The following FBXO47 variants were observed in gnomAD, a reference collection of about 807,000 sequenced individuals.
The protein encoded by FBXO47 is F-box only protein 47.
A neutral mutation model predicts 53.9 loss-of-function variants in FBXO47; 34 were observed. The ratio of observed to expected loss-of-function variants is 0.63; its 90% CI spans 0.48 to 0.84. The LOEUF is 0.84. FBXO47 is among the 40% of genes least tolerant of loss of function. The probability of loss-of-function intolerance (pLI) is 0.00; values close to 1 mark genes in which losing one functional copy is unlikely to be tolerated. For synonymous variants in FBXO47, 165 were observed against 181.6 expected (o/e 0.91, Z 0.73); for missense variants, 485 against 541.3 (o/e 0.90, Z 1.03).
chr17:38,939,716 G>A (rs931858846), intron 9 of FBXO47, among the ~76,000 whole-genome samples: 5 of 134,818 alleles, frequency 3.7e-5, no homozygotes, highest in Middle Eastern at 3.7e-3. Flanking sequence ...GCCGGACTGC[G>A]GACTGCAGTG....
chr17:38,960,219 T>C (rs1381337009), intron 3 of FBXO47, among the ~76,000 whole-genome samples: 2 of 151,212 alleles, frequency 1.3e-5, no homozygotes, highest in Non-Finnish European at 2.9e-5. Flanking sequence ...GGATCGATTG[T>C]GCCCAGGAGT....
intron 6 of FBXO47, among the ~76,000 whole-genome samples, chr17:38,946,030 T>A (rs867107582): frequency 5.4e-4 from 61 of 113,678 alleles, no homozygotes; most frequent in African/African-American, 1.9e-3. Flanking sequence ...AATATAAAAA[T>A]ATATATAAAT....
Position 38,943,735 on chromosome 17 carries a change from T to C in FBXO47, c.795A>G (p.Gly265=), listed in dbSNP as rs1275037581. 2 of 1,599,654 alleles carry C rather than the reference T, an allele frequency of 1.3e-6. No individual in the cohort carries two copies. Among genetic ancestry groups the C allele is most frequent in the Admixed American group, 3.6e-5 (2 of 54,832 alleles). Reference sequence around the variant, plus strand: ...CTATCATTTCCTGCCAAACCACCTGTCCTGAATTGAAACAAAAACGAGGCT... The same window carrying C: ...CTATCATTTCCTGCCAAACCACCTGCCCTGAATTGAAACAAAAACGAGGCT... The part of the protein sequence containing the change: ...IIFGPISPQD[G]QVVWQEMIEE... The change falls in exon 8 of 11, where the codon GGA becomes GGG. Residue 265 remains glycine, a splice_region_variant and synonymous_variant. Transcript: ENST00000378079.
At chr17:38,946,925 AACATATAAAT>A (rs1280427332) in intron 6 of FBXO47, among the ~76,000 whole-genome samples, 1 of 122,430 alleles carries the variant, frequency 8.2e-6, no homozygotes, top group Non-Finnish European at 1.6e-5. Flanking sequence ...AACATATATA[AACATATAAAT>A]ATATATAAAC....
chr17:38,938,547 T>G (rs550325023), intron 10 of FBXO47, 26 bp downstream of exon 10: 1 of 1,581,078 alleles, frequency 6.3e-7, no homozygotes, highest in East Asian at 2.2e-5. Flanking sequence ...TACGCACACC[T>G]GTGCACCAAG....
Position 38,945,152 on chromosome 17 carries a change from A to C in FBXO47, c.617-16T>G. 2 of 1,579,844 alleles carry C rather than the reference A, an allele frequency of 1.3e-6. No individual in the cohort carries two copies. The highest frequency in any genetic ancestry group is 1.7e-6 in the Non-Finnish European group (2 of 1,149,796). On this transcript the variant is annotated splice_polypyrimidine_tract_variant and intron_variant, in intron 6 of 10. Transcript: ENST00000378079. ...TGGGCACTTCCTATGAAGACAAAAG[A>C]ATTGTAAATCATTCTTCGTAGAAAG...
At chr17:38,947,152 C>T (rs1415147911) in intron 6 of FBXO47, among the ~76,000 whole-genome samples, 2 of 143,320 alleles carry the variant, frequency 1.4e-5, no homozygotes, top group East Asian at 4.0e-4. Flanking sequence ...ATATAGTAGC[C>T]AGGCAGCGGC....
intron 9 of FBXO47, among the ~76,000 whole-genome samples, chr17:38,939,700 G>A (rs9909888): frequency 0.027 from 3,123 of 117,264 alleles, 168 homozygotes; most frequent in African/African-American, 0.1. Context: ...TCACTCTGTC[G>A]CCCAGGCCGG....
At chr17:38,939,526 A>G (rs1248768752) in intron 9 of FBXO47, among the ~76,000 whole-genome samples, 2 of 149,452 alleles carry the variant, frequency 1.3e-5, no homozygotes, top group Non-Finnish European at 3.0e-5. Flanking sequence ...AAGCAAGAGA[A>G]TTCTATGGTA....
intron 6 of FBXO47, among the ~76,000 whole-genome samples, chr17:38,947,604 C>T (rs1329124780): frequency 1.3e-5 from 2 of 152,056 alleles, no homozygotes; most frequent in Non-Finnish European, 2.9e-5. Context: ...TTACCACACT[C>T]GGATATAAAA....
At chr17:38,947,239 G>A (rs1055981149) in intron 6 of FBXO47, among the ~76,000 whole-genome samples, 5 of 151,246 alleles carry the variant, frequency 3.3e-5, no homozygotes, top group Non-Finnish European at 7.4e-5. Context: ...GATGGAGGTG[G>A]CAGCGAGCTG....
chr17:38,963,552 CAA>C (rs374514557), intron 1 of FBXO47, among the ~76,000 whole-genome samples: 1 of 151,070 alleles, frequency 6.6e-6, no homozygotes. Flanking sequence ...TTGTTTCGAA[CAA>C]AAAAAGTCAG....
chr17:38,944,197 G>GTT (rs1904639135), intron 7 of FBXO47, among the ~76,000 whole-genome samples: 1 of 95,558 alleles, frequency 1.0e-5, no homozygotes. Context: ...AAACATGTGT[G>GTT]TGTGTGTGTG....
chr17:38,944,808 T>A (rs1598138207), intron 7 of FBXO47, 152 bp downstream of exon 7: 2 of 486,364 alleles, frequency 4.1e-6, no homozygotes, highest in Middle Eastern at 6.2e-4. Flanking sequence ...GAGGTGGAGG[T>A]TGCAGTGAGC....
rs928874451 is a variant in FBXO47, at chr17:38,946,653, T to A, written c.617-1517A>T. 7.0e-4 allele frequency among the ~76,000 whole-genome samples: 48 copies of A among 68,632 alleles called. 2 individuals carry two copies. Among genetic ancestry groups the A allele is most frequent in the Admixed American group, 1.1e-3 (4 of 3,802 alleles). 45.0% of individuals were successfully genotyped at this position (68,632 alleles called of 152,430 possible). A position where few individuals can be genotyped will look rare whatever the true frequency, so the allele number is the denominator to read the frequency against. On this transcript the variant is annotated intron_variant, in intron 6 of 10. Transcript: ENST00000378079. ...ATGAATATATAAATATATATAAATA[T>A]ATATGAATATATAAATATATATAAA... is the stretch of plus-strand genomic sequence containing the variant.
At position 38,959,150 on chromosome 17, in the gene FBXO47, TA is replaced by T. The variant is rs1001551209; in HGVS notation, c.353-1898del. Among the ~76,000 whole-genome samples, 1,333 of 143,114 alleles carry T rather than the reference TA, an allele frequency of 9.3e-3. 22 individuals carry two copies. Among genetic ancestry groups the T allele is most frequent in the African/African-American group, 0.031 (1,224 of 39,356 alleles). 93.9% of individuals were successfully genotyped at this position (143,114 alleles called of 152,430 possible). A position where few individuals can be genotyped will look rare whatever the true frequency, so the allele number is the denominator to read the frequency against. On this transcript the variant is annotated intron_variant, in intron 3 of 10. Transcript: ENST00000378079. ...ACCATAAAACCCAATACTGGCTGTTTAAAAAAAAAAAACAACCACAGGTGCT... is the reference window on the plus strand; with the variant it reads ...ACCATAAAACCCAATACTGGCTGTTTAAAAAAAAAAACAACCACAGGTGCT...
rs1905473892 is a variant in FBXO47, at chr17:38,954,934, C to T, written c.430-1G>A. On this transcript the variant is annotated splice_acceptor_variant, in intron 4 of 10. Transcript: ENST00000378079. LOFTEE classifies it high-confidence loss of function. ...AGCCATTGAATTTAAAGCAGGAAAC[C>T]TGTAAAGAAAACAATGTTAATACCT... is the stretch of plus-strand genomic sequence containing the variant. The T allele has an allele frequency of 1.2e-6, 2 of 1,606,380 alleles. No individual in the cohort carries two copies. Among genetic ancestry groups the T allele is most frequent in the Admixed American group, 1.7e-5 (1 of 59,100 alleles).
chr17:38,947,036 A>C (rs1251071633), intron 6 of FBXO47, among the ~76,000 whole-genome samples: 2 of 133,894 alleles, frequency 1.5e-5, no homozygotes, highest in Non-Finnish European at 1.5e-5. Flanking sequence ...ATACAAATAT[A>C]TGTAAATATA....
intron 1 of FBXO47, among the ~76,000 whole-genome samples, chr17:38,966,039 T>C (rs775584848): frequency 1.3e-5 from 2 of 152,186 alleles, no homozygotes; most frequent in Non-Finnish European, 2.9e-5. Flanking sequence ...GATCACTATA[T>C]ATAATACTTT....
Sources: gnomAD v4.1 joint callset for allele counts (sites outside exome capture counted in the v4.1 genomes callset) on GRCh38, gnomAD v4.1.1 for gene constraint, MANE v1.5 for transcripts, NCBI Gene and HGNC (gene_info 2026-07-23, HGNC 2026-07-21) for gene names.